The following DAB1 variants were observed in gnomAD, a reference collection of about 807,000 sequenced individuals.
The protein encoded by DAB1 is disabled homolog 1.
In DAB1, 15 loss-of-function variants were observed where a neutral mutation model predicts 64.6. That is an observed-to-expected ratio of 0.23 (90% CI 0.16 to 0.36). The LOEUF is 0.36. DAB1 is among the 10% of genes least tolerant of loss of function. DAB1 has a pLI of 1.00. For missense variants in DAB1, 596 were observed against 706.7 expected (o/e 0.84, Z 1.78); for synonymous variants, 235 against 251.9 (o/e 0.93, Z 0.64).
chr1:57,428,111 T>C (rs147308147), upstream of DAB1, among the ~76,000 whole-genome samples: 2,732 of 152,014 alleles, frequency 0.018, 82 homozygotes, highest in African/African-American at 0.063. Context: ...GAGGGTGCAG[T>C]GAGCTGAGAT....
intron 1 of DAB1, among the ~76,000 whole-genome samples, chr1:57,292,752 G>A (rs1672880242): frequency 6.6e-6 from 1 of 152,148 alleles, no homozygotes. Flanking sequence ...CTGGCCAAGA[G>A]TACATAGTCA....
At chr1:57,790,014 G>A (rs1650519958) in intron 6 of DAB1, among the ~76,000 whole-genome samples, 1 of 152,130 alleles carries the variant, frequency 6.6e-6, no homozygotes, top group Non-Finnish European at 1.5e-5. Flanking sequence ...GCTAACAGGA[G>A]GCACCAACGG....
intron 5 of DAB1, among the ~76,000 whole-genome samples, chr1:57,890,258 A>T (rs1412711724): frequency 6.6e-6 from 1 of 152,100 alleles, no homozygotes; most frequent in African/African-American, 2.4e-5. Context: ...TTGAGGGGGT[A>T]ATACCACATC....
intron 3 of DAB1, among the ~76,000 whole-genome samples, chr1:58,405,371 CTGTT>C (rs908227033): frequency 3.9e-5 from 6 of 151,926 alleles, no homozygotes; most frequent in Admixed American, 2.6e-4. Flanking sequence ...TAAATCTATT[CTGTT>C]TGTTTAATTT....
chr1:57,181,959 T>G (rs554796399), intron 2 of DAB1, among the ~76,000 whole-genome samples: 2 of 152,150 alleles, frequency 1.3e-5, no homozygotes, highest in African/African-American at 4.8e-5. Context: ...CATCTCGGCT[T>G]ACTGCAACCT....
intron 3 of DAB1, among the ~76,000 whole-genome samples, chr1:58,451,614 A>G (rs533471185): frequency 7.2e-5 from 11 of 152,280 alleles, no homozygotes; most frequent in Non-Finnish European, 1.3e-4. Flanking sequence ...CCCTGAATAC[A>G]TAAAGTTATT....
intron 3 of DAB1, among the ~76,000 whole-genome samples, chr1:58,483,808 C>T (rs527844919): frequency 9.8e-5 from 15 of 152,310 alleles, no homozygotes; most frequent in East Asian, 5.8e-4. Context: ...AAAATTGGGA[C>T]GTACGGTCAC....
chr1:58,018,704 T>C (rs997307287), intron 5 of DAB1, among the ~76,000 whole-genome samples: 1 of 152,194 alleles, frequency 6.6e-6, no homozygotes, highest in Non-Finnish European at 1.5e-5. Flanking sequence ...AATCGAAAGG[T>C]GTTAATTGTT....
intron 1 of DAB1, among the ~76,000 whole-genome samples, chr1:57,368,215 G>C (rs1289607783): frequency 6.6e-6 from 1 of 152,194 alleles, no homozygotes; most frequent in African/African-American, 2.4e-5. Flanking sequence ...GCTGAGAGCA[G>C]CTCAGTGCTG....
chr1:57,802,628 C>T (rs1651183561), intron 6 of DAB1, among the ~76,000 whole-genome samples: 1 of 152,098 alleles, frequency 6.6e-6, no homozygotes, highest in South Asian at 2.1e-4. Context: ...CAGACTTCCC[C>T]CTTGATGTTC....
chr1:58,184,798 G>A (rs761483593), intron 4 of DAB1, among the ~76,000 whole-genome samples: 2 of 152,152 alleles, frequency 1.3e-5, no homozygotes, highest in Non-Finnish European at 2.9e-5. Context: ...TATGTATAAT[G>A]GGTCTCAAAG....
chr1:58,160,334 C>T (rs1457636231), intron 4 of DAB1, among the ~76,000 whole-genome samples: 2 of 152,144 alleles, frequency 1.3e-5, no homozygotes, highest in Non-Finnish European at 2.9e-5. Context: ...TCCCTGTTAC[C>T]GCAGGCTGCT....
chr1:57,976,129 G>A (rs1028057293), intron 5 of DAB1, among the ~76,000 whole-genome samples: 12 of 152,316 alleles, frequency 7.9e-5, no homozygotes, highest in African/African-American at 2.4e-4. Flanking sequence ...TTCAGACTTC[G>A]TGGACTAGGT....
At chr1:57,355,498 A>C (rs1679021218) in intron 1 of DAB1, among the ~76,000 whole-genome samples, 1 of 152,012 alleles carries the variant, frequency 6.6e-6, no homozygotes, top group South Asian at 2.1e-4. Flanking sequence ...AACAGAGACA[A>C]CCTTAATATA....
chr1:57,337,875 C>T (rs142201734), intron 1 of DAB1, among the ~76,000 whole-genome samples: 1 of 59,156 alleles, frequency 1.7e-5, no homozygotes, highest in Admixed American at 1.3e-4. Context: ...TCCCTCCCCT[C>T]CCCTCCCTTC....
intron 1 of DAB1, among the ~76,000 whole-genome samples, chr1:57,365,402 AAAG>A (rs1352294768): frequency 6.9e-6 from 1 of 145,670 alleles, no homozygotes; most frequent in Non-Finnish European, 1.5e-5. Context: ...AAATATATAT[AAAG>A]AAGAATATAT....
chr1:57,892,386 A>G (rs1189208787), intron 5 of DAB1, among the ~76,000 whole-genome samples: 1 of 152,194 alleles, frequency 6.6e-6, no homozygotes, highest in East Asian at 1.9e-4. Flanking sequence ...ATAGCAATTA[A>G]TGCTTTTTGA....
At position 57,727,726 on chromosome 1, in the gene DAB1, CTCCTTCCT is replaced by C. The variant is rs544033691; in HGVS notation, n.552-78069_552-78062del. Among the ~76,000 whole-genome samples, 583 of 137,118 alleles carry C rather than the reference CTCCTTCCT, an allele frequency of 4.3e-3. 4 individuals are homozygous for C. Among genetic ancestry groups the C allele is most frequent in the Middle Eastern group, 0.015 (4 of 260 alleles). The allele number at this position is 137,118 out of a possible 152,430, so 90.0% of individuals were successfully genotyped here. A position where few individuals can be genotyped will look rare whatever the true frequency, so the allele number is the denominator to read the frequency against. ...CACCCTCTTCTGCTTCCTTCCTTCT[CTCCTTCCT>C]TCCTTCCTTCCTTCCTTCCTTCCTC... On this transcript the variant is annotated intron_variant and non_coding_transcript_variant, in intron 6 of 20. Transcript: ENST00000485760.
chr1:57,290,246 A>G (rs1039826117), intron 2 of DAB1, among the ~76,000 whole-genome samples: 1 of 151,400 alleles, frequency 6.6e-6, no homozygotes, highest in Non-Finnish European at 1.5e-5. Context: ...GAGTCAGTTC[A>G]GGAAAAAAAA....
Sources: allele counts gnomAD v4.1 joint callset (sites outside exome capture counted in the v4.1 genomes callset), GRCh38; gene constraint gnomAD v4.1.1; transcripts MANE v1.5; gene names NCBI Gene and HGNC (gene_info 2026-07-23, HGNC 2026-07-21).